The following ST6GALNAC3 variants were observed in gnomAD, a reference collection of about 807,000 sequenced individuals.
ST6GALNAC3 encodes the protein ST6 N-acetylgalactosaminide alpha-2,6-sialyltransferase 3, also known as alpha-N-acetylgalactosaminide alpha-2,6-sialyltransferase 3.
ST6GALNAC3 carries 25 observed loss-of-function variants against 32.7 expected under a neutral mutation model. That is an observed-to-expected ratio of 0.76 (90% confidence interval 0.56 to 1.07). The LOEUF is 1.07. ST6GALNAC3 is among the 50% of genes least tolerant of loss of function. ST6GALNAC3 has a pLI of 0.00. For synonymous variants in ST6GALNAC3, 129 were observed against 133.1 expected (o/e 0.97, Z 0.21); for missense variants, 355 against 382.4 (o/e 0.93, Z 0.60).
intron 1 of ST6GALNAC3, among the ~76,000 whole-genome samples, chr1:76,260,882 A>C (rs914056352): frequency 9.9e-5 from 15 of 152,256 alleles, no homozygotes; most frequent in Middle Eastern, 3.4e-3. Flanking sequence ...CGTCCAAGTT[A>C]ATAAATATGT....
chr1:76,253,591 G>A (rs1405964543), intron 1 of ST6GALNAC3, among the ~76,000 whole-genome samples: 2 of 152,098 alleles, frequency 1.3e-5, no homozygotes, highest in African/African-American at 4.8e-5. Context: ...CAGTCACGTA[G>A]ATCATTCTTT....
At chr1:76,463,541 T>A (rs766034123) in intron 3 of ST6GALNAC3, among the ~76,000 whole-genome samples, 5 of 152,142 alleles carry the variant, frequency 3.3e-5, no homozygotes, top group Non-Finnish European at 7.3e-5. Context: ...AATACTAAAG[T>A]GAATACCAAG....
intron 1 of ST6GALNAC3, 53 bp downstream of exon 1, chr1:76,074,937 T>C (rs1646791833): frequency 1.3e-6 from 2 of 1,569,310 alleles, no homozygotes; most frequent in Non-Finnish European, 1.7e-6. Context: ...CCCTTGCTGC[T>C]CAGAGGCACG....
chr1:76,397,891 T>A (rs1268969358), intron 2 of ST6GALNAC3, among the ~76,000 whole-genome samples: 1 of 152,156 alleles, frequency 6.6e-6, no homozygotes, highest in Admixed American at 6.5e-5. Flanking sequence ...GTTCTAATAG[T>A]TTTTCTCTGG....
At chr1:76,359,117 A>G (rs1189453463) in intron 2 of ST6GALNAC3, among the ~76,000 whole-genome samples, 1 of 152,228 alleles carries the variant, frequency 6.6e-6, no homozygotes, top group Non-Finnish European at 1.5e-5. Context: ...GGACCAGAAT[A>G]TGAAGCACTT....
chr1:76,112,995 G>A (rs1212114910), intron 1 of ST6GALNAC3, among the ~76,000 whole-genome samples: 5 of 152,186 alleles, frequency 3.3e-5, no homozygotes, highest in Non-Finnish European at 7.3e-5. Context: ...GCAGCTGGGA[G>A]GTAGAGGTTG....
intron 3 of ST6GALNAC3, among the ~76,000 whole-genome samples, chr1:76,488,947 T>C (rs1660314530): frequency 6.6e-6 from 1 of 152,174 alleles, no homozygotes; most frequent in Non-Finnish European, 1.5e-5. Flanking sequence ...TCTTTCTTCT[T>C]CCTTTCTTTT....
At chr1:76,136,255 A>G (rs1649943074) in intron 1 of ST6GALNAC3, among the ~76,000 whole-genome samples, 1 of 152,206 alleles carries the variant, frequency 6.6e-6, no homozygotes, top group Non-Finnish European at 1.5e-5. Flanking sequence ...TTTTAAATGC[A>G]TTTATTTCTG....
At chr1:76,388,143 A>C (rs549298902) in intron 2 of ST6GALNAC3, among the ~76,000 whole-genome samples, 1 of 152,260 alleles carries the variant, frequency 6.6e-6, no homozygotes, top group African/African-American at 2.4e-5. Context: ...TCATGGGAAT[A>C]CCCAGATGTG....
intron 3 of ST6GALNAC3, among the ~76,000 whole-genome samples, chr1:76,588,769 C>T (rs1647001896): frequency 6.6e-6 from 1 of 152,200 alleles, no homozygotes; most frequent in Non-Finnish European, 1.5e-5. Flanking sequence ...TCTGTGGCTC[C>T]ACTCCCAGTA....
intron 1 of ST6GALNAC3, among the ~76,000 whole-genome samples, chr1:76,300,672 A>G (rs1660675510): frequency 6.6e-6 from 1 of 152,054 alleles, no homozygotes; most frequent in South Asian, 2.1e-4. Context: ...TTGCATCCTG[A>G]TTCAGGTGGA....
chr1:76,630,747 T>C lies in ST6GALNAC3; in HGVS notation c.*1941T>C, dbSNP rs148195932. ...CATAAACATTACTAAGCCCCAGTTC[T>C]ATCGTTGGAAGGAGTTGTTATTCTT... On this transcript the variant is annotated 3_prime_UTR_variant, in exon 5 of 5. Transcript: ENST00000328299. The C allele has an allele frequency of 2.0e-6, 2 of 985,712 alleles. No individual in the cohort carries two copies. Among genetic ancestry groups the C allele is most frequent in the East Asian group, 2.3e-4 (2 of 8,802 alleles). 61.1% of individuals were successfully genotyped at this position (985,712 alleles called of 1,614,324 possible).
chr1:76,306,784 A>G (rs1661087871), intron 1 of ST6GALNAC3, among the ~76,000 whole-genome samples: 1 of 151,872 alleles, frequency 6.6e-6, no homozygotes, highest in East Asian at 1.9e-4. Flanking sequence ...TCTAACACCT[A>G]TTCTTAAATT....
intron 1 of ST6GALNAC3, among the ~76,000 whole-genome samples, chr1:76,152,347 A>G (rs564386272): frequency 1.1e-4 from 16 of 152,280 alleles, no homozygotes; most frequent in African/African-American, 3.9e-4. Context: ...TAAGATGCGG[A>G]GGAAATCTTA....
intron 3 of ST6GALNAC3, among the ~76,000 whole-genome samples, chr1:76,570,416 C>T (rs1665792770): frequency 6.6e-6 from 1 of 151,904 alleles, no homozygotes; most frequent in Non-Finnish European, 1.5e-5. Flanking sequence ...GTACTCCATG[C>T]AGCATGTGCA....
intron 1 of ST6GALNAC3, among the ~76,000 whole-genome samples, chr1:76,108,949 T>C (rs1260570214): frequency 6.6e-6 from 1 of 152,100 alleles, no homozygotes. Flanking sequence ...CTCAGTTTCC[T>C]TTGGGGTGCC....
At chr1:76,310,544 C>T (rs529492035) in intron 1 of ST6GALNAC3, among the ~76,000 whole-genome samples, 2 of 152,152 alleles carry the variant, frequency 1.3e-5, no homozygotes, top group African/African-American at 4.8e-5. Flanking sequence ...CTTTGGGTAT[C>T]GCTGACTCCT....
At chr1:76,504,415 C>T (rs374661242) in intron 3 of ST6GALNAC3, among the ~76,000 whole-genome samples, 86 of 152,144 alleles carry the variant, frequency 5.7e-4, no homozygotes, top group Middle Eastern at 3.4e-3. Flanking sequence ...CCATGTAAGA[C>T]GACATTCTGA....
chr1:76,354,627 A>G (rs1236255299), intron 2 of ST6GALNAC3, among the ~76,000 whole-genome samples: 1 of 152,186 alleles, frequency 6.6e-6, no homozygotes, highest in Non-Finnish European at 1.5e-5. Context: ...GGTTTTATGT[A>G]TGTGAACTTT....
Sources: allele counts gnomAD v4.1 joint callset (sites outside exome capture counted in the v4.1 genomes callset), GRCh38; gene constraint gnomAD v4.1.1; transcripts MANE v1.5; gene names NCBI Gene and HGNC (gene_info 2026-07-23, HGNC 2026-07-21).